The following CDK14 variants were observed in gnomAD, a reference collection of about 807,000 sequenced individuals.
The protein encoded by CDK14 is cyclin-dependent kinase 14.
In CDK14, 34 loss-of-function variants were observed where a neutral mutation model predicts 60.7. The ratio of observed to expected loss-of-function variants is 0.56; its 90% CI spans 0.43 to 0.75. CDK14 has a LOEUF of 0.75. CDK14 is among the 30% of genes least tolerant of loss of function. The pLI, the probability that CDK14 is intolerant of heterozygous loss-of-function variation, is 0.00. For synonymous variants in CDK14, 197 were observed against 203.7 expected, an observed-to-expected ratio of 0.97 and a Z score of 0.28; for missense variants, 482 against 564.1, an observed-to-expected ratio of 0.85 and a Z score of 1.47.
At chr7:91,021,797 A>G (rs369113637) in intron 10 of CDK14, among the ~76,000 whole-genome samples, 4 of 152,294 alleles carry the variant, frequency 2.6e-5, no homozygotes, top group African/African-American at 9.6e-5. Context: ...ATTGGTCACC[A>G]TACTCCCTCC....
chr7:90,737,400 G>A (rs1803165352), intron 3 of CDK14, among the ~76,000 whole-genome samples: 1 of 152,220 alleles, frequency 6.6e-6, no homozygotes, highest in South Asian at 2.1e-4. Flanking sequence ...TAATCTGGGA[G>A]ATGTGGGAGG....
At chr7:90,654,673 G>C (rs1396276845) in intron 2 of CDK14, among the ~76,000 whole-genome samples, 1 of 152,088 alleles carries the variant, frequency 6.6e-6, no homozygotes, top group Non-Finnish European at 1.5e-5. Flanking sequence ...CTTTTTTTGG[G>C]TGGGAGGGGG....
intron 2 of CDK14, among the ~76,000 whole-genome samples, chr7:90,720,935 C>T (rs1029172757): frequency 6.6e-6 from 1 of 152,008 alleles, no homozygotes; most frequent in Non-Finnish European, 1.5e-5. Flanking sequence ...ATCTGAGTCA[C>T]GGGTTGGCAG....
At chr7:90,672,261 G>A (rs764390029) in intron 2 of CDK14, among the ~76,000 whole-genome samples, 3 of 151,812 alleles carry the variant, frequency 2.0e-5, no homozygotes, top group Non-Finnish European at 4.4e-5. Flanking sequence ...CCATTACCAC[G>A]GTTTTAGAAC....
intron 5 of CDK14, among the ~76,000 whole-genome samples, chr7:90,803,691 G>T (rs968481765): frequency 2.0e-5 from 3 of 152,144 alleles, no homozygotes; most frequent in African/African-American, 7.2e-5. Flanking sequence ...TAGATAACAG[G>T]TGTTTGTTGT....
intron 12 of CDK14, among the ~76,000 whole-genome samples, chr7:91,094,312 T>G (rs1266223402): frequency 6.6e-6 from 1 of 152,200 alleles, no homozygotes; most frequent in Non-Finnish European, 1.5e-5. Context: ...TACCAAAATA[T>G]TTTCAGGGAT....
intron 5 of CDK14, among the ~76,000 whole-genome samples, chr7:90,815,582 A>T (rs1789316097): frequency 2.0e-5 from 1 of 50,328 alleles, no homozygotes. Context: ...TACCCAAAGG[A>T]TTATAAATCA....
intron 14 of CDK14, among the ~76,000 whole-genome samples, chr7:91,203,983 A>G (rs949082670): frequency 1.3e-5 from 2 of 152,168 alleles, no homozygotes; most frequent in African/African-American, 2.4e-5. Context: ...GTTTGTTCCC[A>G]TGTAATTATT....
intron 8 of CDK14, among the ~76,000 whole-genome samples, chr7:90,952,052 C>T (rs2117552538): frequency 6.6e-6 from 1 of 151,718 alleles, no homozygotes; most frequent in East Asian, 1.9e-4. Context: ...ATTTAAGGGG[C>T]AAAAAGGGGT....
chr7:90,845,624 G>A (rs1255127155), intron 5 of CDK14, among the ~76,000 whole-genome samples: 2 of 151,732 alleles, frequency 1.3e-5, no homozygotes, highest in African/African-American at 2.4e-5. Flanking sequence ...TGTCACTTAC[G>A]TTTGAATACA....
At chr7:90,617,110 AG>A (rs1370115922) in intron 2 of CDK14, among the ~76,000 whole-genome samples, 1 of 152,180 alleles carries the variant, frequency 6.6e-6, no homozygotes, top group Non-Finnish European at 1.5e-5. Flanking sequence ...TATTATTTAC[AG>A]TGAAACAGCC....
At chr7:91,139,433 G>A (rs997149754) in intron 14 of CDK14, among the ~76,000 whole-genome samples, 1 of 152,090 alleles carries the variant, frequency 6.6e-6, no homozygotes, top group African/African-American at 2.4e-5. Flanking sequence ...CTAGTGAGTT[G>A]TGGCCAAAAC....
intron 2 of CDK14, among the ~76,000 whole-genome samples, chr7:90,649,280 CTTTCTTTCT>C (rs1800541740): frequency 1.8e-5 from 1 of 56,298 alleles, no homozygotes; most frequent in Non-Finnish European, 3.1e-5. Context: ...TTCTTTCTTT[CTTTCTTTCT>C]TTCTTTCTTT....
chr7:90,597,832 A>AG (rs1428331411), intron 1 of CDK14, among the ~76,000 whole-genome samples: 1 of 65,918 alleles, frequency 1.5e-5, no homozygotes, highest in East Asian at 4.7e-4. Context: ...AATTTAGCCA[A>AG]GTTTTTTTTT....
chr7:90,723,401 G>A (rs1369850533), intron 2 of CDK14, among the ~76,000 whole-genome samples: 1 of 152,122 alleles, frequency 6.6e-6, no homozygotes, highest in Admixed American at 6.6e-5. Flanking sequence ...CTGAAAACTT[G>A]ACTCACAAGG....
intron 9 of CDK14, among the ~76,000 whole-genome samples, chr7:90,958,377 A>T (rs1471601537): frequency 6.6e-6 from 1 of 152,158 alleles, no homozygotes; most frequent in Non-Finnish European, 1.5e-5. Flanking sequence ...TCAGATAATC[A>T]TACAGATCTG....
intron 11 of CDK14, among the ~76,000 whole-genome samples, chr7:91,077,499 G>A (rs1354215091): frequency 1.3e-5 from 2 of 151,938 alleles, no homozygotes; most frequent in Non-Finnish European, 2.9e-5. Flanking sequence ...TGGGGAGTCA[G>A]GGGGCGAGGG....
chr7:90,738,898 T>TA, intron 3 of CDK14, among the ~76,000 whole-genome samples: 1 of 1,408 alleles, frequency 7.1e-4, no homozygotes, highest in Non-Finnish European at 1.2e-3. Context: ...TGAATTATTC[T>TA]TTTTTTTTTA....
At chr7:90,925,949 A>AT (rs1584131080) in intron 8 of CDK14, among the ~76,000 whole-genome samples, 2 of 152,224 alleles carry the variant, frequency 1.3e-5, no homozygotes, top group East Asian at 3.8e-4. Flanking sequence ...TTTTCTCTAG[A>AT]TTTTGAAGGA....
Sources: gnomAD v4.1 joint callset for allele counts (sites outside exome capture counted in the v4.1 genomes callset) on GRCh38, gnomAD v4.1.1 for gene constraint, MANE v1.5 for transcripts, NCBI Gene and HGNC (gene_info 2026-07-23, HGNC 2026-07-21) for gene names.